The following HIP1 variants were observed in gnomAD, a reference collection of about 807,000 sequenced individuals.
HIP1 encodes huntingtin-interacting protein 1.
HIP1 carries 65 observed loss-of-function variants against 147.6 expected under a neutral mutation model. That is an observed-to-expected ratio of 0.44 (90% confidence interval 0.36 to 0.54). HIP1 has a LOEUF of 0.54. Among genes scored for constraint, HIP1 ranks in the 20% least tolerant of loss-of-function variants. HIP1 has a pLI of 0.00. For missense variants in HIP1, 1,061 were observed against 1,299.6 expected, an observed-to-expected ratio of 0.82 and a Z score of 2.82; for synonymous variants, 479 against 504.0, an observed-to-expected ratio of 0.95 and a Z score of 0.67.
At chr7:75,686,101 G>A (rs1275476184) in intron 1 of HIP1, among the ~76,000 whole-genome samples, 3 of 151,642 alleles carry the variant, frequency 2.0e-5, no homozygotes, top group Non-Finnish European at 2.9e-5. Flanking sequence ...TTTTGGCCAG[G>A]CTGGTCTTGA....
Position 75,694,214 on chromosome 7 carries a change from G to C in HIP1, c.120+44587C>G, listed in dbSNP as rs551222732. Among the ~76,000 whole-genome samples, 316 of 152,074 alleles carry C rather than the reference G, an allele frequency of 2.1e-3. 2 individuals carry two copies. The highest frequency in any genetic ancestry group is 3.4e-3 in the Non-Finnish European group (230 of 68,008). Reference sequence around the variant, plus strand: ...ATTACAGGCGTGAGCCACCGCGCCCGGCCCCAATTCTCATTTCTTTACTAG... The same window carrying C: ...ATTACAGGCGTGAGCCACCGCGCCCCGCCCCAATTCTCATTTCTTTACTAG... On this transcript the variant is annotated intron_variant, in intron 1 of 30. Coordinates refer to ENST00000336926, the MANE Select transcript of HIP1 (RefSeq NM_005338.7).
At chr7:75,699,852 ATT>A (rs201726642) in intron 1 of HIP1, among the ~76,000 whole-genome samples, 1 of 147,282 alleles carries the variant, frequency 6.8e-6, no homozygotes, top group East Asian at 2.0e-4. Context: ...AGCAGCACTG[ATT>A]TTTTTTTTTC....
chr7:75,615,109 G>A (rs782622411), intron 1 of HIP1, among the ~76,000 whole-genome samples: 3 of 152,014 alleles, frequency 2.0e-5, no homozygotes, highest in Non-Finnish European at 4.4e-5. Flanking sequence ...CTACACGCAG[G>A]GCAAGGCTGC....
At chr7:75,718,010 T>C (rs1801375887) in intron 1 of HIP1, among the ~76,000 whole-genome samples, 1 of 150,770 alleles carries the variant, frequency 6.6e-6, no homozygotes, top group Admixed American at 6.6e-5. Context: ...GGGCCAGTCA[T>C]GATGGCTCAC....
chr7:75,662,453 C>T (rs1799351851), intron 1 of HIP1, among the ~76,000 whole-genome samples: 2 of 152,180 alleles, frequency 1.3e-5, no homozygotes, highest in African/African-American at 4.8e-5. Context: ...GCTCAGACTA[C>T]AAGTGTGAGC....
chr7:75,625,473 G>A (rs978876015), intron 1 of HIP1: 1 of 152,370 alleles, frequency 6.6e-6, no homozygotes, highest in Non-Finnish European at 1.5e-5. Context: ...ATTGGTGATG[G>A]CTGCCTGAAG....
Position 75,547,120 on chromosome 7 carries a change from G to A in HIP1, c.2466-88C>T, listed in dbSNP as rs142118290. 5.6e-5 allele frequency: 63 copies of A among 1,122,384 alleles called. No homozygotes were observed. The East Asian group carries it at 1.6e-3, about 29-fold the overall frequency. 69.5% of individuals were successfully genotyped at this position (1,122,384 alleles called of 1,614,324 possible). On this transcript the variant is annotated intron_variant, in intron 24 of 30. Coordinates refer to ENST00000336926, the MANE Select transcript of HIP1 (RefSeq NM_005338.7). Reference sequence around the variant, plus strand: ...TTCTCTTCCCCACTCCTAGCCAAAGGCAAGCTTGGAATGGGAAAGGGAGGT... The same window carrying A: ...TTCTCTTCCCCACTCCTAGCCAAAGACAAGCTTGGAATGGGAAAGGGAGGT...
intron 1 of HIP1, chr7:75,626,604 C>T (rs1297515959): frequency 1.3e-5 from 2 of 152,154 alleles, no homozygotes; most frequent in African/African-American, 4.8e-5. Context: ...CCTCAGTAGC[C>T]CACCCAGGTA....
chr7:75,720,027 G>C (rs1554521057), intron 1 of HIP1, among the ~76,000 whole-genome samples: 1 of 152,184 alleles, frequency 6.6e-6, no homozygotes, highest in African/African-American at 2.4e-5. Flanking sequence ...CAGGAACTGG[G>C]AAAATAAGGC....
chr7:75,592,108 A>C lies in HIP1; in HGVS notation c.332T>G (p.Leu111Arg). The C allele has an allele frequency of 6.2e-7, 1 of 1,613,476 alleles. No homozygotes were observed. Among genetic ancestry groups the C allele is most frequent in the Non-Finnish European group, 8.5e-7 (1 of 1,179,378 alleles). The change falls in exon 4 of 31, where the codon CTG becomes CGG. Residue 111 changes from leucine to arginine, a missense_variant. Leu to Arg is a moderately radical substitution (Grantham distance 102, BLOSUM62 -2). This residue lies in a region of HIP1 where 225 missense variants were observed against 292.9 expected (regional missense o/e 0.77). Transcript: ENST00000336926. ...ATTTCTGTATCTCAGAGAGTCCTTC[A>C]GGACCTGCAGGGGCAAAAGAACAGC... ...KLLRDGHPNV[L>R]KDSLRYRNEL... is the part of the protein sequence containing the mutation.
At position 75,551,189 on chromosome 7, in the gene HIP1, A is replaced by ATTTTTTTTTTTTTTTTTTTTTTTTTT. The variant is rs55679922; in HGVS notation, c.2296-2214_2296-2189dup. Among the ~76,000 whole-genome samples the ATTTTTTTTTTTTTTTTTTTTTTTTTT allele has an allele frequency of 6.5e-5, 5 of 77,416 alleles. 2 individuals are homozygous for ATTTTTTTTTTTTTTTTTTTTTTTTTT. Among genetic ancestry groups the ATTTTTTTTTTTTTTTTTTTTTTTTTT allele is most frequent in the African/African-American group, 3.4e-4 (5 of 14,718 alleles). The allele number at this position is 77,416 out of a possible 152,430, so 50.8% of individuals were successfully genotyped here. A position where few individuals can be genotyped will look rare whatever the true frequency, so the allele number is the denominator to read the frequency against. ...TAGGGAGGCAAAGATGTAGATGATAATTTTTTTTTTTTTTTTTTTTTTTTT... is the reference window on the plus strand; with the variant it reads ...TAGGGAGGCAAAGATGTAGATGATAATTTTTTTTTTTTTTTTTTTTTTTTTTTTTTTTTTTTTTTTTTTTTTTTTTT... On this transcript the variant is annotated intron_variant, in intron 22 of 30. Transcript: ENST00000336926.
At chr7:75,666,564 G>A (rs574605271) in intron 1 of HIP1, among the ~76,000 whole-genome samples, 4 of 152,188 alleles carry the variant, frequency 2.6e-5, no homozygotes, top group South Asian at 4.1e-4. Context: ...TAGCGACACC[G>A]ATATTCTCCA....
intron 6 of HIP1, 126 bp from the exon 7 acceptor site, chr7:75,581,424 A>T: frequency 1.5e-6 from 1 of 673,296 alleles, no homozygotes. Flanking sequence ...CACACACACA[A>T]CTCCAGCTCC....
At chr7:75,723,192 C>T (rs1801551191) in intron 1 of HIP1, among the ~76,000 whole-genome samples, 1 of 151,986 alleles carries the variant, frequency 6.6e-6, no homozygotes, top group Admixed American at 6.6e-5. Context: ...ATGGTGACAC[C>T]CCATCCCATC....
At chr7:75,543,990 G>A (rs1554490419) in intron 27 of HIP1, among the ~76,000 whole-genome samples, 1 of 152,074 alleles carries the variant, frequency 6.6e-6, no homozygotes, top group Non-Finnish European at 1.5e-5. Context: ...GGCTAACGCG[G>A]TGAAACCCCG....
At chr7:75,548,761 G>T (rs1467702910) in intron 23 of HIP1, 130 bp downstream of exon 23, 1 of 735,408 alleles carries the variant, frequency 1.4e-6, no homozygotes, top group Non-Finnish European at 2.4e-6. Context: ...ACTGTGCCTG[G>T]CAAATTCTGG....
intron 1 of HIP1, among the ~76,000 whole-genome samples, chr7:75,647,325 GA>G (rs1554511266): frequency 4.7e-5 from 7 of 149,962 alleles, no homozygotes. Context: ...TTGAACCCAG[GA>G]AGCAAAAGTT....
In HIP1 at chr7:75,556,762, G is replaced by A. The variant is rs782483957; in HGVS notation, c.1631C>T (p.Thr544Ile). The A allele has an allele frequency of 1.2e-6, 2 of 1,613,620 alleles. No individual in the cohort carries two copies. Among genetic ancestry groups the A allele is most frequent in the African/African-American group, 2.7e-5 (2 of 74,888 alleles). ...CAGAACCTGAAGCTCCCGTTGGCTT[G>A]TGGCAAGTTCCTGCTTCAAGCTCTC... ...VLESLKQELATSQRELQVLQG... is the reference protein window; with the variant it reads ...VLESLKQELAISQRELQVLQG... The change falls in exon 17 of 31, where the codon ACA becomes ATA. Residue 544 changes from threonine (T) to isoleucine (I), a missense_variant. Thr to Ile is a moderately conservative substitution (Grantham distance 89, BLOSUM62 -1). Around this residue, in one of 3 missense-constraint regions of HIP1, gnomAD observed 810 missense variants for 946.8 expected, o/e 0.86. Transcript: ENST00000336926.
chr7:75,692,899 T>C (rs1800509365), intron 1 of HIP1, among the ~76,000 whole-genome samples: 1 of 152,044 alleles, frequency 6.6e-6, no homozygotes, highest in Admixed American at 6.6e-5. Flanking sequence ...GCATGGTGTC[T>C]TATGCCTGTA....
Sources: gnomAD v4.1 joint callset for allele counts (sites outside exome capture counted in the v4.1 genomes callset) on GRCh38, gnomAD v4.1.1 for gene constraint, gnomAD v4.1.1 regional missense constraint, MANE v1.5 for transcripts, NCBI Gene and HGNC (gene_info 2026-07-23, HGNC 2026-07-21) for gene names.